The following SH3RF3 variants were observed in gnomAD, a reference collection of about 807,000 sequenced individuals.
SH3RF3 encodes SH3 domain containing ring finger 3, also known as E3 ubiquitin-protein ligase SH3RF3.
In SH3RF3, 29 loss-of-function variants were observed where a neutral mutation model predicts 66.3. That is an observed-to-expected ratio of 0.44 (90% CI 0.33 to 0.60). The LOEUF (loss-of-function observed/expected upper bound fraction) is 0.60. Among genes scored for constraint, SH3RF3 ranks in the 20% least tolerant of loss-of-function variants. The probability of loss-of-function intolerance (pLI) is 0.04; values close to 1 mark genes in which losing one functional copy is unlikely to be tolerated. For missense variants in SH3RF3, 1,194 were observed against 1,190.9 expected (o/e 1.00, Z -0.04); for synonymous variants, 583 against 532.0 (o/e 1.10, Z -1.32).
intron 1 of SH3RF3, among the ~76,000 whole-genome samples, chr2:109,135,547 A>G (rs1175777115): frequency 6.6e-6 from 1 of 152,144 alleles, no homozygotes; most frequent in Non-Finnish European, 1.5e-5. Flanking sequence ...GAAAATCTTC[A>G]AGTCTCTTAT....
At chr2:109,385,981 G>A (rs1342653603) in intron 3 of SH3RF3, among the ~76,000 whole-genome samples, 1 of 152,226 alleles carries the variant, frequency 6.6e-6, no homozygotes. Context: ...TTTGGGTTAA[G>A]TTGGGGTTTT....
At chr2:109,190,235 G>A (rs1233740109) in intron 1 of SH3RF3, among the ~76,000 whole-genome samples, 3 of 151,834 alleles carry the variant, frequency 2.0e-5, no homozygotes, top group East Asian at 1.9e-4. Flanking sequence ...GTGCAGTGGC[G>A]TGATCTTGGC....
intron 7 of SH3RF3, among the ~76,000 whole-genome samples, chr2:109,439,280 C>T (rs553687488): frequency 1.1e-4 from 16 of 152,228 alleles, no homozygotes; most frequent in African/African-American, 3.1e-4. Flanking sequence ...GATGGTTAAA[C>T]GGCTCCCCAG....
At chr2:109,318,466 T>C (rs1681939262) in intron 1 of SH3RF3, among the ~76,000 whole-genome samples, 1 of 152,204 alleles carries the variant, frequency 6.6e-6, no homozygotes, top group Admixed American at 6.5e-5. Context: ...GCTCTCGGCA[T>C]ACGCGTTTAT....
rs575317393 is a variant in SH3RF3 at position 109,205,475 on chromosome 2, C to T, written c.573+75362C>T. 1.0e-3 allele frequency among the ~76,000 whole-genome samples: 152 copies of T among 152,158 alleles called. 1 individual carries two copies. Among genetic ancestry groups the T allele is most frequent in the Middle Eastern group, 3.4e-3 (1 of 294 alleles). ...ATGTTGGCCAGGCTGGTCTTGAACTCCTGACCTCAAGTGATCCACCTGCAT... is the reference window on the plus strand; with the variant it reads ...ATGTTGGCCAGGCTGGTCTTGAACTTCTGACCTCAAGTGATCCACCTGCAT... On this transcript the variant is annotated intron_variant, in intron 1 of 9. Transcript: ENST00000309415.
chr2:109,467,504 G>C (rs578105995), intron 8 of SH3RF3, among the ~76,000 whole-genome samples: 5 of 152,198 alleles, frequency 3.3e-5, no homozygotes, highest in Non-Finnish European at 5.9e-5. Flanking sequence ...CAGCAGGACT[G>C]GGGGGCTTGG....
At chr2:109,346,352 C>T (rs1045532685) in intron 1 of SH3RF3, among the ~76,000 whole-genome samples, 2 of 152,126 alleles carry the variant, frequency 1.3e-5, no homozygotes, top group African/African-American at 4.8e-5. Context: ...GCTATTAAGT[C>T]CTCTACAAAG....
intron 1 of SH3RF3, among the ~76,000 whole-genome samples, chr2:109,200,503 G>A (rs1013528842): frequency 2.6e-5 from 4 of 152,098 alleles, no homozygotes; most frequent in Admixed American, 1.3e-4. Flanking sequence ...CTCAGTCGGC[G>A]GGTCCAAGCC....
Position 109,374,886 on chromosome 2 carries a change from G to A in SH3RF3, c.945+3205G>A, listed in dbSNP as rs1370892612. Among the ~76,000 whole-genome samples, 6 of 152,296 alleles carry A rather than the reference G, an allele frequency of 3.9e-5. No homozygotes were observed. The East Asian group carries it at 5.8e-4, about 15-fold the overall frequency. ...GCTCAGGCCATGATGCTAAGCCCAC[G>A]GTGGACCTCACAAAGTAAACGAGAG... On this transcript the variant is annotated intron_variant, in intron 3 of 9. Coordinates refer to ENST00000309415, the MANE Select transcript of SH3RF3 (RefSeq NM_001099289.3).
rs549491582 is a variant in SH3RF3, at chr2:109,290,486, G to A, written c.574-57188G>A. 2.0e-4 allele frequency among the ~76,000 whole-genome samples: 30 copies of A among 152,296 alleles called. No individual in the cohort carries two copies. In the South Asian group the frequency reaches 4.1e-3, roughly 21 times the overall value. On this transcript the variant is annotated intron_variant, in intron 1 of 9. Transcript: ENST00000309415. ...AATCCTCATGTTCGTATTCTATAGC[G>A]CCCAACTTCTATTTTCCTCACTGTC... is the stretch of plus-strand genomic sequence containing the variant.
At chr2:109,321,344 A>G (rs919143638) in intron 1 of SH3RF3, among the ~76,000 whole-genome samples, 1 of 152,268 alleles carries the variant, frequency 6.6e-6, no homozygotes, top group African/African-American at 2.4e-5. Context: ...TGCCTCTTCC[A>G]TACCAGAACG....
At chr2:109,164,821 G>A (rs2104922368) in intron 1 of SH3RF3, among the ~76,000 whole-genome samples, 1 of 152,324 alleles carries the variant, frequency 6.6e-6, no homozygotes, top group South Asian at 2.1e-4. Context: ...GCCAGGAAGT[G>A]AGTTTCTAAC....
intron 1 of SH3RF3, among the ~76,000 whole-genome samples, chr2:109,255,172 T>TTG (rs1417859861): frequency 6.6e-6 from 1 of 152,122 alleles, no homozygotes; most frequent in East Asian, 1.9e-4. Flanking sequence ...AACTCTTGCT[T>TTG]TGTGTGTGTG....
chr2:109,412,091 C>T (rs528677035), intron 4 of SH3RF3, among the ~76,000 whole-genome samples: 1 of 152,202 alleles, frequency 6.6e-6, no homozygotes, highest in African/African-American at 2.4e-5. Flanking sequence ...GGTTGCTTTA[C>T]GTTGGACTCA....
intron 1 of SH3RF3, among the ~76,000 whole-genome samples, chr2:109,131,857 T>G (rs185507886): frequency 6.6e-6 from 1 of 152,308 alleles, no homozygotes; most frequent in East Asian, 1.9e-4. Context: ...TGGATGTTGT[T>G]TAATAGACGA....
At chr2:109,203,813 G>A (rs531959176) in intron 1 of SH3RF3, among the ~76,000 whole-genome samples, 2 of 115,284 alleles carry the variant, frequency 1.7e-5, no homozygotes, top group East Asian at 3.0e-4. Flanking sequence ...TGCACGCCTC[G>A]ACTCTGAAGC....
chr2:109,277,944 G>T (rs532740342), intron 1 of SH3RF3, among the ~76,000 whole-genome samples: 1 of 151,216 alleles, frequency 6.6e-6, no homozygotes, highest in South Asian at 2.1e-4. Context: ...GGAGGCTGAG[G>T]TGAGAGGATC....
At chr2:109,490,465 G>A (rs1027563893) in intron 8 of SH3RF3, 140 bp from the exon 9 acceptor site, 22 of 706,370 alleles carry the variant, frequency 3.1e-5, no homozygotes, top group Non-Finnish European at 4.2e-5. Context: ...CTGTTGCTGT[G>A]AGTGGTAAAG....
chr2:109,476,969 G>A (rs1383298725), intron 8 of SH3RF3, among the ~76,000 whole-genome samples: 1 of 152,202 alleles, frequency 6.6e-6, no homozygotes, highest in Non-Finnish European at 1.5e-5. Flanking sequence ...GTTTTGGTGG[G>A]ATTTAGCTAG....
Sources: allele counts gnomAD v4.1 joint callset (sites outside exome capture counted in the v4.1 genomes callset), GRCh38; gene constraint gnomAD v4.1.1; transcripts MANE v1.5; gene names NCBI Gene and HGNC (gene_info 2026-07-23, HGNC 2026-07-21).